TSHZ2: variants seen among roughly 807,000 people sequenced by gnomAD.
TSHZ2 encodes teashirt homolog 2.
In TSHZ2, 21 loss-of-function variants were observed where a neutral mutation model predicts 74.4. The ratio of observed to expected loss-of-function variants is 0.28; its 90% CI spans 0.20 to 0.41. The LOEUF is 0.41. Among genes scored for constraint, TSHZ2 ranks in the 10% least tolerant of loss-of-function variants. The pLI, the probability that TSHZ2 is intolerant of heterozygous loss-of-function variation, is 1.00. For missense variants in TSHZ2, 1,244 were observed against 1,293.5 expected (o/e 0.96, Z 0.59); for synonymous variants, 540 against 515.3 (o/e 1.05, Z -0.65).
At chr20:53,149,662 T>C (rs1399999500) in intron 1 of TSHZ2, among the ~76,000 whole-genome samples, 1 of 152,192 alleles carries the variant, frequency 6.6e-6, no homozygotes, top group African/African-American at 2.4e-5. Context: ...TCACATATTA[T>C]GTAGGGCATG....
chr20:53,040,440 G>C (rs1983996524), intron 1 of TSHZ2, among the ~76,000 whole-genome samples: 1 of 152,090 alleles, frequency 6.6e-6, no homozygotes, highest in Non-Finnish European at 1.5e-5. Flanking sequence ...AAATGCAATG[G>C]GAGCCATGGA....
intron 2 of TSHZ2, among the ~76,000 whole-genome samples, chr20:53,295,205 C>T (rs1991352978): frequency 6.6e-6 from 1 of 152,202 alleles, no homozygotes; most frequent in Admixed American, 6.5e-5. Flanking sequence ...CAAAGCCAGA[C>T]CTCCTGGTTG....
rs76565977 is a variant in TSHZ2, at chr20:52,993,880, C to A, written c.40+20547C>A. Among the ~76,000 whole-genome samples, 1,053 of 152,272 alleles carry A rather than the reference C, an allele frequency of 6.9e-3. 15 individuals carry two copies. The highest frequency in any genetic ancestry group is 0.024 in the African/African-American group (990 of 41,556). On this transcript the variant is annotated intron_variant, in intron 1 of 2. Coordinates refer to ENST00000371497, the MANE Select transcript of TSHZ2 (RefSeq NM_173485.6). ...ACACATAACAAAAGTAAAAGGCCACCCTTGCCTTCCGGAGGAGCAAAGGGA... is the reference window on the plus strand; with the variant it reads ...ACACATAACAAAAGTAAAAGGCCACACTTGCCTTCCGGAGGAGCAAAGGGA...
At chr20:53,464,409 G>A (rs1485492323) in intron 2 of TSHZ2, among the ~76,000 whole-genome samples, 1 of 152,142 alleles carries the variant, frequency 6.6e-6, no homozygotes, top group Non-Finnish European at 1.5e-5. Context: ...GTTGTGAGAA[G>A]GGCCCTTCAG....
intron 2 of TSHZ2, among the ~76,000 whole-genome samples, chr20:53,445,553 A>G (rs1984515402): frequency 6.6e-6 from 1 of 152,144 alleles, no homozygotes; most frequent in East Asian, 1.9e-4. Flanking sequence ...TCCCTTTACC[A>G]AGCCTAATTT....
chr20:53,343,599 G>GT (rs1980309965), intron 2 of TSHZ2, among the ~76,000 whole-genome samples: 1 of 152,210 alleles, frequency 6.6e-6, no homozygotes, highest in Non-Finnish European at 1.5e-5. Context: ...AATTCTGCCA[G>GT]TGCTACCATG....
intron 1 of TSHZ2, among the ~76,000 whole-genome samples, chr20:53,230,480 T>C (rs967640310): frequency 6.6e-6 from 1 of 152,206 alleles, no homozygotes; most frequent in Non-Finnish European, 1.5e-5. Context: ...TCCCTCTTCT[T>C]TGTGGCACAG....
At chr20:53,019,248 GTT>G (rs11476165) in intron 1 of TSHZ2, among the ~76,000 whole-genome samples, 25,349 of 148,210 alleles carry the variant, frequency 0.17, 2,439 homozygotes, top group Admixed American at 0.22. Flanking sequence ...AGTTGCCTGG[GTT>G]TTTTTTTTTT....
rs188964577 is a variant in TSHZ2 at position 53,207,526 on chromosome 20, T to G, written c.41-45973T>G. Among the ~76,000 whole-genome samples, 73 of 152,164 alleles carry G rather than the reference T, an allele frequency of 4.8e-4. 1 individual carries two copies. The East Asian group carries it at 0.014, about 28-fold the overall frequency. Reference sequence around the variant, plus strand: ...TTGCCCCTACCCTGGCTCTCACTTGTAGGGACATGGCTGCAGAGGCCTATC... The same window carrying G: ...TTGCCCCTACCCTGGCTCTCACTTGGAGGGACATGGCTGCAGAGGCCTATC... On this transcript the variant is annotated intron_variant, in intron 1 of 2. Coordinates refer to ENST00000371497, the MANE Select transcript of TSHZ2 (RefSeq NM_173485.6).
chr20:53,416,267 T>C (rs1250712332), intron 2 of TSHZ2, among the ~76,000 whole-genome samples: 1 of 152,174 alleles, frequency 6.6e-6, no homozygotes, highest in Non-Finnish European at 1.5e-5. Flanking sequence ...GTCATCAGGA[T>C]GAAGGCGGTG....
chr20:53,048,491 T>C (rs559281531), intron 1 of TSHZ2, among the ~76,000 whole-genome samples: 2 of 152,312 alleles, frequency 1.3e-5, no homozygotes, highest in South Asian at 4.1e-4. Flanking sequence ...CCACGTTCCG[T>C]GCAATCCATC....
intron 1 of TSHZ2, among the ~76,000 whole-genome samples, chr20:53,235,946 A>C (rs1162037584): frequency 2.0e-5 from 3 of 152,248 alleles, no homozygotes; most frequent in Admixed American, 6.5e-5. Flanking sequence ...TATGAATATA[A>C]TGAGAACGTC....
intron 1 of TSHZ2, among the ~76,000 whole-genome samples, chr20:53,096,263 T>C (rs1376475826): frequency 2.6e-5 from 4 of 152,156 alleles, no homozygotes; most frequent in Non-Finnish European, 4.4e-5. Flanking sequence ...TGTTTCAGCC[T>C]CCCAAATAGC....
intron 1 of TSHZ2, among the ~76,000 whole-genome samples, chr20:53,235,358 C>T (rs1262279095): frequency 2.6e-5 from 4 of 151,628 alleles, no homozygotes; most frequent in East Asian, 1.9e-4. Flanking sequence ...TTAGTAGAGA[C>T]GGGGTTTCAC....
At chr20:53,165,597 T>C (rs963876741) in intron 1 of TSHZ2, among the ~76,000 whole-genome samples, 1 of 152,218 alleles carries the variant, frequency 6.6e-6, no homozygotes, top group African/African-American at 2.4e-5. Context: ...GCTATACTAA[T>C]GTGGTTAACT....
intron 1 of TSHZ2, among the ~76,000 whole-genome samples, chr20:53,087,417 G>C (rs1306972385): frequency 6.6e-6 from 1 of 152,156 alleles, no homozygotes; most frequent in Admixed American, 6.6e-5. Flanking sequence ...TTCGATCCTT[G>C]GCCCAAAGTT....
At chr20:53,004,211 G>A (rs555478811) in intron 1 of TSHZ2, among the ~76,000 whole-genome samples, 1 of 150,218 alleles carries the variant, frequency 6.7e-6, no homozygotes, top group Non-Finnish European at 1.5e-5. Context: ...GTTTCTGGAT[G>A]AAATACAAAT....
At chr20:53,157,858 G>T (rs371190695) in intron 1 of TSHZ2, among the ~76,000 whole-genome samples, 1 of 152,006 alleles carries the variant, frequency 6.6e-6, no homozygotes, top group Non-Finnish European at 1.5e-5. Flanking sequence ...TTTGGGGGTC[G>T]CAATAAAGAG....
At chr20:53,298,069 G>A (rs944681611) in intron 2 of TSHZ2, among the ~76,000 whole-genome samples, 1 of 152,110 alleles carries the variant, frequency 6.6e-6, no homozygotes, top group African/African-American at 2.4e-5. Flanking sequence ...ACCTATTATG[G>A]GTGATCCTCT....
Sources: gnomAD v4.1 joint callset for allele counts (sites outside exome capture counted in the v4.1 genomes callset) on GRCh38, gnomAD v4.1.1 for gene constraint, MANE v1.5 for transcripts, NCBI Gene and HGNC (gene_info 2026-07-23, HGNC 2026-07-21) for gene names.